The following ZPBP variants were observed in gnomAD, a reference collection of about 807,000 sequenced individuals.
The protein encoded by ZPBP is zona pellucida binding protein.
ZPBP carries 26 observed loss-of-function variants against 44.8 expected under a neutral mutation model. The ratio of observed to expected loss-of-function variants is 0.58; its 90% confidence interval spans 0.43 to 0.81. ZPBP has a LOEUF of 0.81. Ranked by LOEUF, ZPBP falls within the 30% of genes least tolerant of loss-of-function variation. The pLI is 0.00. For missense variants in ZPBP, 409 were observed against 434.0 expected (o/e 0.94, Z 0.51); for synonymous variants, 174 against 153.2 (o/e 1.14, Z -1.00).
chr7:49,994,380 C>T (rs1250551365), intron 6 of ZPBP, among the ~76,000 whole-genome samples: 1 of 152,196 alleles, frequency 6.6e-6, no homozygotes, highest in Non-Finnish European at 1.5e-5. Flanking sequence ...AGAAGCAGTG[C>T]AGCAGGAATG....
chr7:49,946,846 A>G (rs1209801600), intron 7 of ZPBP, among the ~76,000 whole-genome samples: 1 of 152,132 alleles, frequency 6.6e-6, no homozygotes, highest in African/African-American at 2.4e-5. Context: ...TTTGCCCTTT[A>G]GAGGCTATTT....
At chr7:50,038,952 T>C (rs1799947057) in intron 4 of ZPBP, among the ~76,000 whole-genome samples, 1 of 152,182 alleles carries the variant, frequency 6.6e-6, no homozygotes, top group African/African-American at 2.4e-5. Flanking sequence ...AAAATAAAAT[T>C]GTCTAATGAC....
In ZPBP at chr7:50,088,348, C is replaced by T. The variant is rs76073865; in HGVS notation, c.208+1281G>A. Among the ~76,000 whole-genome samples the T allele has an allele frequency of 5.4e-3, 828 of 152,076 alleles. 3 individuals are homozygous for T. Among genetic ancestry groups the T allele is most frequent in the African/African-American group, 0.018 (729 of 41,526 alleles). On this transcript the variant is annotated intron_variant, in intron 2 of 7. Coordinates refer to ENST00000046087, the MANE Select transcript of ZPBP (RefSeq NM_007009.3). The stretch of plus-strand genomic sequence containing the variant: ...CTTATAAAGAAACATAGGAATAACA[C>T]TTTGTGACCAGTGATTAGGCAATAA...
chr7:50,006,825 G>T (rs934620328), intron 6 of ZPBP, among the ~76,000 whole-genome samples: 3 of 151,906 alleles, frequency 2.0e-5, no homozygotes, highest in African/African-American at 7.3e-5. Context: ...AAGAAAAAGG[G>T]AGAAGAAAAC....
At chr7:49,877,477 AAAAAATATAT>A (rs1283833302) in intron 2 of ZPBP, among the ~76,000 whole-genome samples, 8 of 17,294 alleles carry the variant, frequency 4.6e-4, no homozygotes, top group South Asian at 3.6e-3. Flanking sequence ...AAAAAAAAAA[AAAAAATATAT>A]ATATATATAT....
At chr7:49,871,014 C>A (rs1791126335) in intron 2 of ZPBP, among the ~76,000 whole-genome samples, 1 of 152,040 alleles carries the variant, frequency 6.6e-6, no homozygotes, top group Non-Finnish European at 1.5e-5. Flanking sequence ...CTAAAAAATG[C>A]AAAACCATGA....
intron 1 of ZPBP, among the ~76,000 whole-genome samples, chr7:49,911,091 C>CT (rs1463174654): frequency 6.6e-6 from 1 of 152,146 alleles, no homozygotes; most frequent in Non-Finnish European, 1.5e-5. Context: ...CTTAGTTATG[C>CT]TTTTTCTGTG....
rs569528871 is a variant in ZPBP at position 50,085,667 on chromosome 7, A to C, written c.209-3768T>G. ...CTGATTTGGACTTTGCCTACTGCAC[A>C]AAGCCTTTTCCCCAAAAGAATTCGT... On this transcript the variant is annotated intron_variant, in intron 2 of 7. Coordinates refer to ENST00000046087, the MANE Select transcript of ZPBP (RefSeq NM_007009.3). Among the ~76,000 whole-genome samples, 8 of 152,232 alleles carry C rather than the reference A, an allele frequency of 5.3e-5. No homozygotes were observed. The East Asian group carries it at 1.5e-3, about 29-fold the overall frequency.
chr7:49,965,068 A>G (rs1017374195), intron 7 of ZPBP, among the ~76,000 whole-genome samples: 2 of 152,184 alleles, frequency 1.3e-5, no homozygotes, highest in South Asian at 4.1e-4. Flanking sequence ...TGCCCCAGTA[A>G]GTGGAATATA....
At chr7:49,872,826 G>A (rs1184431307) in intron 2 of ZPBP, among the ~76,000 whole-genome samples, 2 of 139,102 alleles carry the variant, frequency 1.4e-5, no homozygotes, top group Non-Finnish European at 3.0e-5. Context: ...TGAAACAGGA[G>A]AATCGCTTGA....
intron 4 of ZPBP, among the ~76,000 whole-genome samples, chr7:50,047,335 T>C (rs1800422030): frequency 1.3e-5 from 2 of 151,962 alleles, no homozygotes; most frequent in Non-Finnish European, 2.9e-5. Flanking sequence ...TCACAATATA[T>C]CATGCTTCCA....
At chr7:50,023,443 A>T (rs1799185421) in intron 5 of ZPBP, among the ~76,000 whole-genome samples, 2 of 151,826 alleles carry the variant, frequency 1.3e-5, no homozygotes, top group Admixed American at 1.3e-4. Context: ...CAATAACAAG[A>T]CGATAAAAAA....
intron 2 of ZPBP, among the ~76,000 whole-genome samples, chr7:50,087,383 A>C (rs1802715059): frequency 6.6e-6 from 1 of 152,114 alleles, no homozygotes; most frequent in Admixed American, 6.5e-5. Flanking sequence ...AATGTGATGC[A>C]TCATATTAAC....
chr7:49,964,063 T>C (rs917005100), intron 7 of ZPBP, among the ~76,000 whole-genome samples: 6 of 151,832 alleles, frequency 4.0e-5, no homozygotes, highest in Non-Finnish European at 7.4e-5. Context: ...ATTTCAATAA[T>C]AGAGAAAAGC....
intron 7 of ZPBP, among the ~76,000 whole-genome samples, chr7:49,973,237 A>G (rs1796371170): frequency 6.6e-6 from 1 of 151,196 alleles, no homozygotes; most frequent in African/African-American, 2.4e-5. Flanking sequence ...AATTGGACAA[A>G]TTCAGTGTCA....
intron 3 of ZPBP, among the ~76,000 whole-genome samples, chr7:50,075,893 A>C (rs1325445802): frequency 6.6e-6 from 1 of 151,952 alleles, no homozygotes; most frequent in Non-Finnish European, 1.5e-5. Flanking sequence ...ATATTTCCAA[A>C]CTTATTTTAC....
At chr7:49,910,434 G>A (rs546223370) in intron 1 of ZPBP, among the ~76,000 whole-genome samples, 35 of 152,248 alleles carry the variant, frequency 2.3e-4, no homozygotes, top group African/African-American at 8.2e-4. Flanking sequence ...AGCAAAGAAG[G>A]GAGGAGAATG....
At chr7:50,068,507 C>T (rs531378927) in intron 3 of ZPBP, among the ~76,000 whole-genome samples, 22 of 150,902 alleles carry the variant, frequency 1.5e-4, no homozygotes, top group Non-Finnish European at 3.2e-4. Flanking sequence ...GCACATTAAT[C>T]TTTCTCTAGC....
At chr7:49,865,009 C>T (rs1790819054) in intron 2 of ZPBP, among the ~76,000 whole-genome samples, 1 of 74,904 alleles carries the variant, frequency 1.3e-5, no homozygotes. Flanking sequence ...TGCCTACTCT[C>T]AATTTTTTCT....
Sources: gnomAD v4.1 joint callset for allele counts (sites outside exome capture counted in the v4.1 genomes callset) on GRCh38, gnomAD v4.1.1 for gene constraint, MANE v1.5 for transcripts, NCBI Gene and HGNC (gene_info 2026-07-23, HGNC 2026-07-21) for gene names.